LIN28B: variants seen among roughly 807,000 people sequenced by gnomAD.
LIN28B encodes the protein lin-28 RNA binding posttranscriptional regulator B.
In LIN28B, 5 loss-of-function variants were observed where a neutral mutation model predicts 21.9. The ratio of observed to expected loss-of-function variants is 0.23; its 90% confidence interval spans 0.12 to 0.48. The LOEUF is 0.48. LIN28B is among the 20% of genes least tolerant of loss of function. The pLI, the probability that LIN28B is intolerant of heterozygous loss-of-function variation, is 0.98. For synonymous variants in LIN28B, 109 were observed against 111.3 expected, an observed-to-expected ratio of 0.98 and a Z score of 0.13; for missense variants, 245 against 310.5, an observed-to-expected ratio of 0.79 and a Z score of 1.58.
chr6:105,066,787 A>G (rs1772228102), intron 3 of LIN28B, among the ~76,000 whole-genome samples: 1 of 152,174 alleles, frequency 6.6e-6, no homozygotes, highest in South Asian at 2.1e-4. Context: ...GCTCTGGTCA[A>G]ATGTCCTAAT....
intron 2 of LIN28B, among the ~76,000 whole-genome samples, chr6:104,991,279 G>A (rs1404505570): frequency 1.3e-5 from 2 of 150,694 alleles, no homozygotes; most frequent in African/African-American, 4.9e-5. Flanking sequence ...GGGTGGAGGG[G>A]CGCCTCACTT....
intron 3 of LIN28B, among the ~76,000 whole-genome samples, chr6:105,039,393 G>A (rs1180198757): frequency 2.0e-5 from 3 of 152,090 alleles, no homozygotes; most frequent in African/African-American, 4.8e-5. Context: ...GGATGATATG[G>A]CAGTTAAAGT....
At chr6:104,940,372 A>C (rs1778065313) in intron 2 of LIN28B, 1 of 155,526 alleles carries the variant, frequency 6.4e-6, no homozygotes, top group Admixed American at 6.5e-5. Flanking sequence ...TCCCTCCCAG[A>C]CTGACGCTGC....
At chr6:104,969,542 T>C (rs1021024219) in intron 2 of LIN28B, among the ~76,000 whole-genome samples, 25 of 152,210 alleles carry the variant, frequency 1.6e-4, no homozygotes, top group Admixed American at 4.6e-4. Flanking sequence ...TGATTCTTTA[T>C]TGGGACTCTC....
At chr6:104,984,009 C>T (rs1770280811) in intron 2 of LIN28B, among the ~76,000 whole-genome samples, 1 of 152,194 alleles carries the variant, frequency 6.6e-6, no homozygotes, top group Non-Finnish European at 1.5e-5. Context: ...CGGCACCAAT[C>T]CTCATACCAC....
intron 1 of LIN28B, 102 bp from the exon 2 acceptor site, chr6:104,957,997 A>T: frequency 1.2e-5 from 9 of 738,506 alleles, no homozygotes; most frequent in Middle Eastern, 4.7e-4. Context: ...TTTTTCTGTT[A>T]CCCTTCCCCC....
intron 1 of LIN28B, among the ~76,000 whole-genome samples, chr6:104,957,619 G>A (rs1381134182): frequency 1.3e-5 from 2 of 151,976 alleles, no homozygotes; most frequent in African/African-American, 4.8e-5. Context: ...GGGGGGAGGG[G>A]AATGCACATT....
intron 2 of LIN28B, among the ~76,000 whole-genome samples, chr6:104,995,505 G>A (rs1770579874): frequency 6.6e-6 from 1 of 152,148 alleles, no homozygotes. Flanking sequence ...ATATATTCAT[G>A]TGGGTCTGAG....
At chr6:105,063,649 A>AAAG (rs1562111685) in intron 3 of LIN28B, among the ~76,000 whole-genome samples, 1 of 46,668 alleles carries the variant, frequency 2.1e-5, no homozygotes, top group Non-Finnish European at 4.9e-5. Flanking sequence ...GGGGGGGGGG[A>AAAG]AAAAAAGGTA....
upstream of LIN28B, among the ~76,000 whole-genome samples, chr6:104,954,270 G>A (rs1778257202): frequency 6.6e-6 from 1 of 152,156 alleles, no homozygotes; most frequent in Non-Finnish European, 1.5e-5. Context: ...AAATTGGAAA[G>A]CATTCTAGAA....
chr6:105,015,422 G>A (rs1027399938), intron 2 of LIN28B, among the ~76,000 whole-genome samples: 1 of 151,848 alleles, frequency 6.6e-6, no homozygotes, highest in Non-Finnish European at 1.5e-5. Flanking sequence ...AGTTAAAGTG[G>A]CTCTTTTGTA....
intron 3 of LIN28B, among the ~76,000 whole-genome samples, chr6:105,050,847 G>T (rs1771887424): frequency 6.6e-6 from 1 of 150,992 alleles, no homozygotes; most frequent in African/African-American, 2.5e-5. Flanking sequence ...TGTTGATTTT[G>T]GTACTTGGTT....
rs901267892 is a variant in LIN28B at position 105,083,311 on chromosome 6, A to G, written c.*4528A>G. ...TAAAAAAATTACTTGATTAAAAATA[A>G]AACATATAACGTTGGCATTTATGAT... On this transcript the variant is annotated 3_prime_UTR_variant, in exon 4 of 4. Coordinates refer to ENST00000345080, the MANE Select transcript of LIN28B (RefSeq NM_001004317.4). The G allele has an allele frequency of 3.9e-5, 6 of 152,234 alleles. No homozygotes were observed. Among genetic ancestry groups the G allele is most frequent in the African/African-American group, 1.4e-4 (6 of 41,454 alleles). 9.4% of individuals were successfully genotyped at this position (152,234 alleles called of 1,614,324 possible).
At position 105,081,595 on chromosome 6, in the gene LIN28B, T is replaced by C. The variant is rs1199649982; in HGVS notation, c.*2812T>C. 1 of 152,350 alleles carries C rather than the reference T, an allele frequency of 6.6e-6. No homozygotes were observed. The highest frequency in any genetic ancestry group is 1.5e-5 in the Non-Finnish European group (1 of 68,038). 9.4% of individuals were successfully genotyped at this position (152,350 alleles called of 1,614,324 possible). On this transcript the variant is annotated 3_prime_UTR_variant, in exon 4 of 4. Coordinates refer to ENST00000345080, the MANE Select transcript of LIN28B (RefSeq NM_001004317.4). ...ACTTGTGAATAATGAAGCATCTCGTTTTAGTTAGCAAAGTCTCCAAACATT... is the reference window on the plus strand; with the variant it reads ...ACTTGTGAATAATGAAGCATCTCGTCTTAGTTAGCAAAGTCTCCAAACATT...
chr6:104,966,056 T>G (rs1046000493), intron 2 of LIN28B, among the ~76,000 whole-genome samples: 1 of 152,168 alleles, frequency 6.6e-6, no homozygotes, highest in Admixed American at 6.5e-5. Flanking sequence ...ACCCACTTTG[T>G]ATAGGGCTGT....
chr6:105,020,324 G>A (rs1771112213), intron 2 of LIN28B, among the ~76,000 whole-genome samples: 1 of 150,580 alleles, frequency 6.6e-6, no homozygotes, highest in Admixed American at 6.6e-5. Flanking sequence ...GTTGGGAAGA[G>A]GAAAGCAAAT....
chr6:104,950,591 T>C (rs368602424), intron 3 of LIN28B: 2 of 766,558 alleles, frequency 2.6e-6, no homozygotes, highest in Non-Finnish European at 3.5e-6. Context: ...TATGAGAACC[T>C]GACAGCCCTC....
At chr6:105,060,255 A>AT (rs932851154) in intron 3 of LIN28B, among the ~76,000 whole-genome samples, 15 of 149,012 alleles carry the variant, frequency 1.0e-4, no homozygotes, top group African/African-American at 3.5e-4. Context: ...TTGCTAATTC[A>AT]TTTTTTTGTT....
At chr6:105,075,009 A>G (rs1214346941) in intron 3 of LIN28B, among the ~76,000 whole-genome samples, 1 of 152,166 alleles carries the variant, frequency 6.6e-6, no homozygotes, top group Non-Finnish European at 1.5e-5. Flanking sequence ...CACTTGGCCT[A>G]TTTTATCTTA....
Sources: allele counts gnomAD v4.1 joint callset (sites outside exome capture counted in the v4.1 genomes callset), GRCh38; gene constraint gnomAD v4.1.1; transcripts MANE v1.5; gene names NCBI Gene and HGNC (gene_info 2026-07-23, HGNC 2026-07-21).